Variants in DRC8 observed in about 807,000 individuals in gnomAD.
DRC8 encodes dynein regulatory complex protein 8.
chr1:245,086,718 A>T, the DRC8 span: 3 of 533,298 alleles, frequency 5.6e-6, no homozygotes, highest in Non-Finnish European at 1.2e-5. Flanking sequence ...TTCTCATGAC[A>T]ACCCTATGTG....
At chr1:245,002,043 A>C in the DRC8 span, 2 of 1,199,502 alleles carry the variant, frequency 1.7e-6, no homozygotes, top group Non-Finnish European at 2.4e-6. Flanking sequence ...GGGATGATTT[A>C]TTTTTTCATC....
At chr1:245,013,655 A>G in the DRC8 span, among the ~76,000 whole-genome samples, 1 of 152,234 alleles carries the variant, frequency 6.6e-6, no homozygotes, top group Admixed American at 6.5e-5. Context: ...ACTAAAAATA[A>G]TAAGGTAATG....
chr1:245,032,460 T>C, the DRC8 span, among the ~76,000 whole-genome samples: 11 of 152,204 alleles, frequency 7.2e-5, no homozygotes, highest in Admixed American at 2.6e-4. Context: ...GTTTATTTTT[T>C]CTTAAAACTA....
At chr1:244,975,535 T>C in the DRC8 span, among the ~76,000 whole-genome samples, 1 of 152,230 alleles carries the variant, frequency 6.6e-6, no homozygotes, top group Non-Finnish European at 1.5e-5. Context: ...TTCTTATTCA[T>C]TTTTACATCC....
the DRC8 span, among the ~76,000 whole-genome samples, chr1:245,048,566 G>A: frequency 2.6e-5 from 4 of 151,252 alleles, no homozygotes; most frequent in South Asian, 2.1e-4. Flanking sequence ...ACTTCTAAAC[G>A]GTAAGAGTGT....
the DRC8 span, among the ~76,000 whole-genome samples, chr1:245,103,689 T>G: frequency 6.6e-6 from 1 of 151,928 alleles, no homozygotes; most frequent in Non-Finnish European, 1.5e-5. Context: ...CCTGTGAGGC[T>G]GACGAGGATC....
At chr1:244,970,207 C>T in the DRC8 span, 1 of 748,432 alleles carries the variant, frequency 1.3e-6, no homozygotes, top group South Asian at 1.5e-5. Context: ...GGCCTCTGGT[C>T]TTCCCCCAGC....
At chr1:244,990,395 G>A in the DRC8 span, among the ~76,000 whole-genome samples, 16 of 152,212 alleles carry the variant, frequency 1.1e-4, no homozygotes, top group East Asian at 3.1e-3. Flanking sequence ...GTATATATAG[G>A]GCTTGGTGTT....
At chr1:245,119,977 C>T in the DRC8 span, among the ~76,000 whole-genome samples, 1 of 119,276 alleles carries the variant, frequency 8.4e-6, no homozygotes, top group African/African-American at 3.1e-5. Flanking sequence ...AATAAAAGAG[C>T]AAGGAACTGA....
chr1:244,984,019 A>G, the DRC8 span, among the ~76,000 whole-genome samples: 979 of 151,928 alleles, frequency 6.4e-3, 3 homozygotes, highest in Non-Finnish European at 0.011. Flanking sequence ...CAGTGGCCCA[A>G]TCTTAGCTCA....
At chr1:245,068,246 C>A in the DRC8 span, among the ~76,000 whole-genome samples, 2 of 152,114 alleles carry the variant, frequency 1.3e-5, no homozygotes, top group African/African-American at 4.8e-5. Flanking sequence ...CGGCAATAGA[C>A]TAATAAATAC....
At chr1:244,990,705 G>A in the DRC8 span, among the ~76,000 whole-genome samples, 78 of 152,126 alleles carry the variant, frequency 5.1e-4, no homozygotes, top group African/African-American at 1.4e-3. Flanking sequence ...CTGGAATCTC[G>A]ATTTACTGCA....
chr1:245,076,239 A>G, the DRC8 span, among the ~76,000 whole-genome samples: 3 of 152,226 alleles, frequency 2.0e-5, no homozygotes, highest in Non-Finnish European at 4.4e-5. Flanking sequence ...CACTGCTGGT[A>G]CAAATCATCA....
At chr1:244,979,375 G>A in the DRC8 span, among the ~76,000 whole-genome samples, 6 of 130,490 alleles carry the variant, frequency 4.6e-5, no homozygotes, top group Non-Finnish European at 9.2e-5. Flanking sequence ...GCGTGATCTC[G>A]GCTCACTGCA....
chr1:245,097,670 A>G, the DRC8 span, among the ~76,000 whole-genome samples: 2 of 152,272 alleles, frequency 1.3e-5, no homozygotes, highest in Non-Finnish European at 2.9e-5. The surrounding 1 kb of genome is among the most constrained non-coding windows in gnomAD (Gnocchi z 5.0). Flanking sequence ...GATTAACACT[A>G]TGAAGAAAAA....
the DRC8 span, among the ~76,000 whole-genome samples, chr1:245,040,263 C>T: frequency 6.6e-6 from 1 of 152,150 alleles, no homozygotes; most frequent in African/African-American, 2.4e-5. Context: ...TCTATTAATT[C>T]AGTAAACATT....
chr1:245,072,784 G>A, the DRC8 span, among the ~76,000 whole-genome samples: 3 of 152,188 alleles, frequency 2.0e-5, no homozygotes, highest in Non-Finnish European at 2.9e-5. Context: ...GGTGATAAAT[G>A]ACTTCACACA....
the DRC8 span, among the ~76,000 whole-genome samples, chr1:245,088,073 T>TGAATACTGAGTAA: frequency 1.3e-5 from 2 of 152,142 alleles, no homozygotes; most frequent in Admixed American, 1.3e-4. This position sits in a 1 kb window ranked among gnomAD's most constrained non-coding sequence, Gnocchi z 4.6. Context: ...AGCATTGTCC[T>TGAATACTGAGTAA]GAATACTGAG....
At chr1:245,091,102 A>G in the DRC8 span, 1 of 152,366 alleles carries the variant, frequency 6.6e-6, no homozygotes, top group Non-Finnish European at 1.5e-5. Context: ...GCATGCTAGA[A>G]TCACCAGCCA....
Sources: gnomAD v4.1 joint callset for allele counts (sites outside exome capture counted in the v4.1 genomes callset) on GRCh38, gnomAD v4.1.1 for gene constraint, Gnocchi (gnomAD v3.1) non-coding constraint, MANE v1.5 for transcripts, NCBI Gene and HGNC (gene_info 2026-07-23, HGNC 2026-07-21) for gene names.